The following KIRREL3 variants were observed in gnomAD, a reference collection of about 807,000 sequenced individuals.
KIRREL3 encodes the protein kirre like nephrin family adhesion molecule 3.
Under a neutral mutation model 89.7 loss-of-function variants are expected in KIRREL3, and 36 were observed. The observed-to-expected ratio is 0.40, with a 90% CI of 0.31 to 0.53. The LOEUF is 0.53. Among genes scored for constraint, KIRREL3 ranks in the 20% least tolerant of loss-of-function variants. KIRREL3 has a pLI of 0.49. For synonymous variants in KIRREL3, 445 were observed against 441.4 expected (o/e 1.01, Z -0.10); for missense variants, 864 against 1,056.6 (o/e 0.82, Z 2.53).
chr11:126,880,715 A>G (rs762931423), intron 1 of KIRREL3, among the ~76,000 whole-genome samples: 19 of 152,146 alleles, frequency 1.2e-4, no homozygotes, highest in Non-Finnish European at 2.4e-4. Flanking sequence ...TATTATGCAA[A>G]AGTACTCCAC....
Position 126,571,536 on chromosome 11 carries a change from A to G in KIRREL3, c.56-8624T>C, listed in dbSNP as rs1235342944. Reference sequence around the variant, plus strand: ...GCCATGTGCTGATTGCTTATGCTTCATTAGTCTCTGGGCTGAGCACTTTGC... The same window carrying G: ...GCCATGTGCTGATTGCTTATGCTTCGTTAGTCTCTGGGCTGAGCACTTTGC... On this transcript the variant is annotated intron_variant, in intron 1 of 16. Transcript: ENST00000525144. This position sits in a 1 kb window ranked among gnomAD's most constrained non-coding sequence, Gnocchi z 7.7. Among the ~76,000 whole-genome samples the G allele has an allele frequency of 6.6e-6, 1 of 152,186 alleles. No homozygotes were observed. Among genetic ancestry groups the G allele is most frequent in the Non-Finnish European group, 1.5e-5 (1 of 68,012 alleles).
At chr11:126,626,531 G>A (rs890519676) in intron 1 of KIRREL3, among the ~76,000 whole-genome samples, 5 of 152,208 alleles carry the variant, frequency 3.3e-5, no homozygotes, top group Non-Finnish European at 7.3e-5. Context: ...TGGACAGTAG[G>A]GGGTATCTTG....
chr11:126,640,348 GCGCGTGTGCGCGCGCACACACACGCACA>G lies in KIRREL3; in HGVS notation c.56-77464_56-77437del, dbSNP rs1244698233. 2.0e-5 allele frequency among the ~76,000 whole-genome samples: 3 copies of G among 152,062 alleles called. No individual in the cohort carries two copies. Among genetic ancestry groups the G allele is most frequent in the Non-Finnish European group, 4.4e-5 (3 of 67,998 alleles). On this transcript the variant is annotated intron_variant, in intron 1 of 16. Transcript: ENST00000525144. This position sits in a 1 kb window ranked among gnomAD's most constrained non-coding sequence, Gnocchi z 4.9. The stretch of plus-strand genomic sequence containing the variant: ...AACTGAACACAACACACACACAGAC[GCGCGTGTGCGCGCGCACACACACGCACA>G]CGCGCACACACAGAATTAAAAGGCA...
Position 126,918,473 on chromosome 11 carries a change from G to A in KIRREL3, c.55+81982C>T, listed in dbSNP as rs1947129976. On this transcript the variant is annotated intron_variant, in intron 1 of 16. Transcript: ENST00000525144. The surrounding 1 kb of genome is among the most constrained non-coding windows in gnomAD (Gnocchi z 6.5). ...GCTTGTTCCTCTGACAGGGTGATAAGCAAGCTTGTGGTGGAGGGCAGTTAC... is the reference window on the plus strand; with the variant it reads ...GCTTGTTCCTCTGACAGGGTGATAAACAAGCTTGTGGTGGAGGGCAGTTAC... Among the ~76,000 whole-genome samples the A allele has an allele frequency of 6.6e-6, 1 of 152,214 alleles. No homozygotes were observed. The highest frequency in any genetic ancestry group is 6.5e-5 in the Admixed American group (1 of 15,288).
Position 126,571,075 on chromosome 11 carries a change from C to T in KIRREL3, c.56-8163G>A, listed in dbSNP as rs1940892258. The stretch of plus-strand genomic sequence containing the variant: ...GGCAAATGGTGAGGCTTGCCGTACA[C>T]CTCCATGTTGGTGCTTGTTGGTGCG... On this transcript the variant is annotated intron_variant, in intron 1 of 16. Transcript: ENST00000525144. This position sits in a 1 kb window ranked among gnomAD's most constrained non-coding sequence, Gnocchi z 7.7. Among the ~76,000 whole-genome samples the T allele has an allele frequency of 2.0e-5, 3 of 152,230 alleles. No homozygotes were observed. Among genetic ancestry groups the T allele is most frequent in the Admixed American group, 2.0e-4 (3 of 15,282 alleles).
At position 126,431,252 on chromosome 11, in the gene KIRREL3, C is replaced by T. The variant is rs778701099; in HGVS notation, c.1696+167G>A. ...CCCACTCTGCCAGGCGCCATGTTGC[C>T]CAGGCTCACATACACCGATGCATCA... is the stretch of plus-strand genomic sequence containing the variant. On this transcript the variant is annotated intron_variant, in intron 14 of 16. Coordinates refer to ENST00000525144, the MANE Select transcript of KIRREL3 (RefSeq NM_032531.4). This position sits in a 1 kb window ranked among gnomAD's most constrained non-coding sequence, Gnocchi z 7.1. 353 of 1,531,824 alleles carry T rather than the reference C, an allele frequency of 2.3e-4. No homozygotes were observed. Among genetic ancestry groups the T allele is most frequent in the Non-Finnish European group, 2.7e-4 (310 of 1,133,212 alleles). 94.9% of individuals were successfully genotyped at this position (1,531,824 alleles called of 1,614,324 possible). A position where few individuals can be genotyped will look rare whatever the true frequency, so the allele number is the denominator to read the frequency against.
At chr11:126,456,868 G>T (rs915083468) in intron 6 of KIRREL3, among the ~76,000 whole-genome samples, 1 of 152,206 alleles carries the variant, frequency 6.6e-6, no homozygotes, top group African/African-American at 2.4e-5. Flanking sequence ...TCTCTTTTCC[G>T]TAAAGGTTCT....
chr11:126,866,572 T>C (rs1944927963), intron 1 of KIRREL3, among the ~76,000 whole-genome samples: 1 of 134,670 alleles, frequency 7.4e-6, no homozygotes, highest in African/African-American at 2.8e-5. Context: ...CGGGCCTAAG[T>C]GAGGACAAGC....
In KIRREL3 at chr11:126,508,759, G is replaced by C. The variant is rs949279391; in HGVS notation, c.433+12556C>G. ...TGTGTGACCTTGGGCAAGGTAATGA[G>C]CCTCTATGTCTCAGCTTCCTCGTCC... On this transcript the variant is annotated intron_variant, in intron 4 of 16. Transcript: ENST00000525144. This position sits in a 1 kb window ranked among gnomAD's most constrained non-coding sequence, Gnocchi z 4.9. Among the ~76,000 whole-genome samples the C allele has an allele frequency of 6.6e-6, 1 of 152,164 alleles. No individual in the cohort carries two copies. The highest frequency in any genetic ancestry group is 2.4e-5 in the African/African-American group (1 of 41,436).
At position 126,883,973 on chromosome 11, in the gene KIRREL3, G is replaced by C. The variant is rs1793947452; in HGVS notation, c.55+116482C>G. On this transcript the variant is annotated intron_variant, in intron 1 of 16. Transcript: ENST00000525144. This position sits in a 1 kb window ranked among gnomAD's most constrained non-coding sequence, Gnocchi z 4.1. ...AAGACATGAGCCCCCTGTTCCTGCA[G>C]GTATTAAAGTGGAGGGTGACTGGCC... Among the ~76,000 whole-genome samples the C allele has an allele frequency of 6.6e-6, 1 of 152,166 alleles. No homozygotes were observed. The highest frequency in any genetic ancestry group is 2.4e-5 in the African/African-American group (1 of 41,432).
Position 126,473,547 on chromosome 11 carries a change from A to G in KIRREL3, c.434-81T>C, listed in dbSNP as rs1322315816. The G allele has an allele frequency of 9.9e-6, 12 of 1,212,852 alleles. No homozygotes were observed. In the East Asian group the frequency reaches 3.0e-4, roughly 30 times the overall value. 75.1% of individuals were successfully genotyped at this position (1,212,852 alleles called of 1,614,324 possible). On this transcript the variant is annotated intron_variant, in intron 4 of 16. Coordinates refer to ENST00000525144, the MANE Select transcript of KIRREL3 (RefSeq NM_032531.4). ...CAGGCAGGCTGGGAGGATTTTGTGGAGATGGCAACAAACAATAATTATCAC... is the reference window on the plus strand; with the variant it reads ...CAGGCAGGCTGGGAGGATTTTGTGGGGATGGCAACAAACAATAATTATCAC...
In KIRREL3 at chr11:126,892,623, A is replaced by ATG. The variant is rs1376663099; in HGVS notation, c.55+107830_55+107831dup. Among the ~76,000 whole-genome samples the ATG allele has an allele frequency of 1.3e-5, 2 of 152,096 alleles. No homozygotes were observed. Among genetic ancestry groups the ATG allele is most frequent in the East Asian group, 1.9e-4 (1 of 5,184 alleles). ...GTGCATGTGCACGTGTGTATGTATT[A>ATG]TGTGTGTGTGTTTCCGGTGGGCAGG... On this transcript the variant is annotated intron_variant, in intron 1 of 16. Transcript: ENST00000525144. This position sits in a 1 kb window ranked among gnomAD's most constrained non-coding sequence, Gnocchi z 5.4.
chr11:126,915,873 T>A (rs1397137910), intron 1 of KIRREL3, among the ~76,000 whole-genome samples: 2 of 152,188 alleles, frequency 1.3e-5, no homozygotes, highest in Non-Finnish European at 2.9e-5. Flanking sequence ...ATGGGTCACA[T>A]AACCATTTGC....
intron 1 of KIRREL3, among the ~76,000 whole-genome samples, chr11:126,920,903 G>A (rs376658833): frequency 2.0e-4 from 31 of 152,200 alleles, no homozygotes; most frequent in Admixed American, 4.6e-4. Context: ...ATTGGCCCCC[G>A]TGATGGTTAA....
intron 2 of KIRREL3, among the ~76,000 whole-genome samples, chr11:126,556,995 G>A (rs570844674): frequency 6.6e-6 from 1 of 152,302 alleles, no homozygotes; most frequent in African/African-American, 2.4e-5. Context: ...GACGGTATTA[G>A]CCAACATCCC....
rs550573763 is a variant in KIRREL3 at position 126,490,066 on chromosome 11, G to A, written c.434-16600C>T. Among the ~76,000 whole-genome samples, 11 of 152,262 alleles carry A rather than the reference G, an allele frequency of 7.2e-5. No individual in the cohort carries two copies. The highest frequency in any genetic ancestry group is 2.4e-4 in the African/African-American group (10 of 41,558). On this transcript the variant is annotated intron_variant, in intron 4 of 16. Coordinates refer to ENST00000525144, the MANE Select transcript of KIRREL3 (RefSeq NM_032531.4). This position sits in a 1 kb window ranked among gnomAD's most constrained non-coding sequence, Gnocchi z 4.2. ...GTGAGGTGTCCAGTGTTGCTTTGAA[G>A]TGAAATGTTTTGGATGTGCCTTAAA...
In KIRREL3 at chr11:126,849,261, T is replaced by C. The variant is rs568203617; in HGVS notation, c.55+151194A>G. Among the ~76,000 whole-genome samples the C allele has an allele frequency of 1.9e-4, 20 of 102,956 alleles. No individual in the cohort carries two copies. The South Asian group carries it at 9.2e-3, about 48-fold the overall frequency. The allele number at this position is 102,956 out of a possible 152,430, so 67.5% of individuals were successfully genotyped here. On this transcript the variant is annotated intron_variant, in intron 1 of 16. Coordinates refer to ENST00000525144, the MANE Select transcript of KIRREL3 (RefSeq NM_032531.4). ...TGACAGTTTACGAATGCCACGGCAA[T>C]GTCAGGAAGTTACCCTATACAGTCT...
intron 2 of KIRREL3, among the ~76,000 whole-genome samples, chr11:126,545,360 T>C (rs1938732743): frequency 6.6e-6 from 1 of 152,118 alleles, no homozygotes; most frequent in Non-Finnish European, 1.5e-5. Context: ...CGGGGAGACA[T>C]GGCTGAGCTT....
rs1322734634 is a variant in KIRREL3, at chr11:126,782,664, A to G, written c.55+217791T>C. ...TGGAGTGGGAGGTTACAGATAAGCA[A>G]AAGGAGGGGGCTAGAATGATCCAGA... On this transcript the variant is annotated intron_variant, in intron 1 of 16. Transcript: ENST00000525144. This position sits in a 1 kb window ranked among gnomAD's most constrained non-coding sequence, Gnocchi z 4.1. Among the ~76,000 whole-genome samples the G allele has an allele frequency of 6.6e-6, 1 of 152,214 alleles. No individual in the cohort carries two copies. Among genetic ancestry groups the G allele is most frequent in the Admixed American group, 6.5e-5 (1 of 15,278 alleles).
Sources: gnomAD v4.1 joint callset for allele counts (sites outside exome capture counted in the v4.1 genomes callset) on GRCh38, gnomAD v4.1.1 for gene constraint, Gnocchi (gnomAD v3.1) non-coding constraint, MANE v1.5 for transcripts, NCBI Gene and HGNC (gene_info 2026-07-23, HGNC 2026-07-21) for gene names.